Variants in FRMD4B observed in about 807,000 individuals in gnomAD.
FRMD4B encodes FERM domain-containing protein 4B.
Under a neutral mutation model 141.5 loss-of-function variants are expected in FRMD4B, and 74 were observed. That is an observed-to-expected ratio of 0.52 (90% CI 0.43 to 0.63). The LOEUF is 0.63. FRMD4B is among the 30% of genes least tolerant of loss of function. The pLI is 0.00. For synonymous variants in FRMD4B, 506 were observed against 467.9 expected (o/e 1.08, Z -1.05); for missense variants, 1,366 against 1,253.4 (o/e 1.09, Z -1.36).
Position 69,181,326 on chromosome 3 carries a change from C to T in FRMD4B, c.2424G>A (p.Gly808=), listed in dbSNP as rs773564840. ...AGTCACACTCTGCATAGGGTGTGTA[C>T]CCGGCAATGTAGTAACTGGAAGACG... ...EPPSSSYYIA[G]YTPYAECDFY... is the part of the protein sequence containing the mutation. Residue 808 remains glycine (G), a synonymous_variant, in exon 21 of 23, where the codon GGG becomes GGA. Coordinates refer to ENST00000398540, the MANE Select transcript of FRMD4B (RefSeq NM_015123.3). The T allele has an allele frequency of 1.2e-6, 2 of 1,613,734 alleles. No homozygotes were observed. The highest frequency in any genetic ancestry group is 1.1e-5 in the South Asian group (1 of 91,084).
chr3:69,478,139 T>A (rs1266122375), intron 1 of FRMD4B, among the ~76,000 whole-genome samples: 1 of 152,228 alleles, frequency 6.6e-6, no homozygotes, highest in Non-Finnish European at 1.5e-5. Context: ...ATTCTGTTGA[T>A]CCTTTCAAAA....
At chr3:69,187,321 A>T (rs1248292162) in intron 19 of FRMD4B, among the ~76,000 whole-genome samples, 1 of 151,804 alleles carries the variant, frequency 6.6e-6, no homozygotes, top group Non-Finnish European at 1.5e-5. Context: ...CGAGGCAGGC[A>T]GATCACCTGA....
intron 1 of FRMD4B, among the ~76,000 whole-genome samples, chr3:69,369,681 T>C (rs1177674422): frequency 2.6e-5 from 4 of 151,930 alleles, no homozygotes; most frequent in African/African-American, 9.7e-5. Flanking sequence ...ATATCTGGCA[T>C]CAATACCTAG....
chr3:69,290,408 GC>G (rs1700835071), intron 4 of FRMD4B, among the ~76,000 whole-genome samples: 1 of 152,148 alleles, frequency 6.6e-6, no homozygotes, highest in African/African-American at 2.4e-5. Context: ...AAGCAGGGTA[GC>G]CGAGTCACTT....
chr3:69,490,938 A>G (rs1399711695), intron 1 of FRMD4B, among the ~76,000 whole-genome samples: 4 of 152,194 alleles, frequency 2.6e-5, no homozygotes, highest in Non-Finnish European at 5.9e-5. Flanking sequence ...ACCTCCTCCA[A>G]GAAGGAGCCA....
intron 1 of FRMD4B, among the ~76,000 whole-genome samples, chr3:69,439,594 A>C (rs1381433808): frequency 6.6e-6 from 1 of 152,186 alleles, no homozygotes; most frequent in East Asian, 1.9e-4. Flanking sequence ...CCCTCCTTTG[A>C]GAAATGCTGC....
At chr3:69,536,205 C>T in intron 1 of FRMD4B, 1 of 587,512 alleles carries the variant, frequency 1.7e-6, no homozygotes, top group Non-Finnish European at 3.2e-6. Context: ...TTAGGAGGAT[C>T]CTCCTTGGCC....
chr3:69,483,740 T>G (rs1054764117), intron 1 of FRMD4B, among the ~76,000 whole-genome samples: 1 of 152,228 alleles, frequency 6.6e-6, no homozygotes, highest in Non-Finnish European at 1.5e-5. Context: ...GTTAACCAAC[T>G]GTGGACCCTT....
chr3:69,378,259 A>G (rs568262959), intron 1 of FRMD4B, among the ~76,000 whole-genome samples: 10 of 152,282 alleles, frequency 6.6e-5, no homozygotes, highest in Admixed American at 4.6e-4. Flanking sequence ...GCAAGGCAGA[A>G]TTGGTTTGCC....
chr3:69,356,643 C>CATAT (rs56883146), intron 1 of FRMD4B, among the ~76,000 whole-genome samples: 3 of 147,968 alleles, frequency 2.0e-5, no homozygotes, highest in Non-Finnish European at 3.0e-5. Flanking sequence ...AATATATATA[C>CATAT]ATATATATAT....
chr3:69,293,610 G>A (rs1225355512), intron 4 of FRMD4B, among the ~76,000 whole-genome samples: 1 of 151,998 alleles, frequency 6.6e-6, no homozygotes, highest in Non-Finnish European at 1.5e-5. Flanking sequence ...CTGGCCAGGC[G>A]CGGCTCATGC....
Position 69,507,600 on chromosome 3 carries a change from T to C in FRMD4B, c.-129+34606A>G, listed in dbSNP as rs951200393. Among the ~76,000 whole-genome samples the C allele has an allele frequency of 9.9e-5, 15 of 152,248 alleles. 1 individual carries two copies. Among genetic ancestry groups the C allele is most frequent in the Admixed American group, 6.5e-5 (1 of 15,280 alleles). ...GGATATTTAGAATATTTCTAATCTT[T>C]TACTGCTACAAACAGTGCTGTAGGG... is the stretch of plus-strand genomic sequence containing the variant. On this transcript the variant is annotated intron_variant, in intron 1 of 5. Transcript: ENST00000459638.
intron 2 of FRMD4B, 51 bp downstream of exon 2, chr3:69,313,401 A>T: frequency 7.8e-7 from 1 of 1,289,218 alleles, no homozygotes; most frequent in South Asian, 1.3e-5. Flanking sequence ...TGAGGGTAAA[A>T]CCTACCTGGG....
intron 2 of FRMD4B, among the ~76,000 whole-genome samples, chr3:69,428,031 G>C (rs1232082336): frequency 6.6e-6 from 1 of 152,062 alleles, no homozygotes; most frequent in African/African-American, 2.4e-5. Flanking sequence ...AAGTTAACAA[G>C]CATCTACTGA....
chr3:69,475,162 G>A (rs1462375716), intron 1 of FRMD4B, among the ~76,000 whole-genome samples: 1 of 151,932 alleles, frequency 6.6e-6, no homozygotes, highest in East Asian at 1.9e-4. Flanking sequence ...GGTGTCATAA[G>A]CTAATTTCCT....
chr3:69,299,741 A>G (rs533540130), intron 4 of FRMD4B, among the ~76,000 whole-genome samples: 2 of 152,290 alleles, frequency 1.3e-5, no homozygotes, highest in Admixed American at 1.3e-4. Context: ...TGCACCGAAA[A>G]TAACAGCGGT....
intron 2 of FRMD4B, among the ~76,000 whole-genome samples, chr3:69,421,422 C>A (rs895491334): frequency 6.6e-6 from 1 of 152,202 alleles, no homozygotes; most frequent in Admixed American, 6.5e-5. Flanking sequence ...TACAGGATGA[C>A]AGGGAACAGT....
At chr3:69,486,326 A>G (rs997005599) in intron 1 of FRMD4B, among the ~76,000 whole-genome samples, 2 of 152,214 alleles carry the variant, frequency 1.3e-5, no homozygotes, top group East Asian at 3.8e-4. Flanking sequence ...TCAACCGAGC[A>G]GTATACACCA....
chr3:69,369,772 C>T (rs1703773859), intron 1 of FRMD4B, among the ~76,000 whole-genome samples: 1 of 152,148 alleles, frequency 6.6e-6, no homozygotes, highest in African/African-American at 2.4e-5. Flanking sequence ...TTCTTTGTAT[C>T]CTGACCAAAA....
Sources: gnomAD v4.1 joint callset for allele counts (sites outside exome capture counted in the v4.1 genomes callset) on GRCh38, gnomAD v4.1.1 for gene constraint, MANE v1.5 for transcripts, NCBI Gene and HGNC (gene_info 2026-07-23, HGNC 2026-07-21) for gene names.